RPGRIP1L: variants seen among roughly 807,000 people sequenced by gnomAD.
RPGRIP1L encodes the protein RPGRIP1 like.
In RPGRIP1L, 131 loss-of-function variants were observed where a neutral mutation model predicts 160.4. That is an observed-to-expected ratio of 0.82 (90% CI 0.71 to 0.94). The LOEUF (loss-of-function observed/expected upper bound fraction) is 0.94. Ranked by LOEUF, RPGRIP1L falls within the 40% of genes least tolerant of loss-of-function variation. RPGRIP1L has a pLI of 0.00. For missense variants in RPGRIP1L, 1,522 were observed against 1,535.8 expected, an observed-to-expected ratio of 0.99 and a Z score of 0.15; for synonymous variants, 510 against 515.8, an observed-to-expected ratio of 0.99 and a Z score of 0.15.
In RPGRIP1L at chr16:53,618,785, G is replaced by A. The variant is rs1426906368; in HGVS notation, c.3616+240C>T. Among the ~76,000 whole-genome samples, 6 of 152,034 alleles carry A rather than the reference G, an allele frequency of 3.9e-5. No homozygotes were observed. In the East Asian group the frequency reaches 9.6e-4, roughly 24 times the overall value. ...TGGTCTGGAACTCCAGAGCTCAAGC[G>A]ATCCACCCGTCTCGGTCTCCCAAAG... On this transcript the variant is annotated intron_variant, in intron 24 of 26. Transcript: ENST00000647211.
At chr16:53,696,090 A>T in intron 3 of RPGRIP1L, 61 bp downstream of exon 3, 2 of 1,537,714 alleles carry the variant, frequency 1.3e-6, no homozygotes, top group Non-Finnish European at 9.0e-7. Flanking sequence ...AGTTTATAAA[A>T]TACCATACCC....
In RPGRIP1L at chr16:53,609,867, T is replaced by A. The variant is rs115756664; in HGVS notation, c.3701+1100A>T. 2.2e-3 allele frequency among the ~76,000 whole-genome samples: 338 copies of A among 152,286 alleles called. 1 individual carries two copies. Among genetic ancestry groups the A allele is most frequent in the African/African-American group, 7.5e-3 (310 of 41,568 alleles). ...GTGATAAAGCTATATTATCAGATCC[T>A]GAGAGCTAAGCATTCCAGTCTCTCT... On this transcript the variant is annotated intron_variant, in intron 25 of 26. Coordinates refer to ENST00000647211, the MANE Select transcript of RPGRIP1L (RefSeq NM_015272.5).
rs900693258 is a variant in RPGRIP1L, at chr16:53,697,805, G to A, written c.86-1510C>T. On this transcript the variant is annotated intron_variant, in intron 2 of 26. Transcript: ENST00000647211. ...CCACCCCGTCTAGGAAGTGAGGAGC[G>A]TCTCTGCCTGGCCGCCCATCGTCTG... Among the ~76,000 whole-genome samples, 12 of 151,688 alleles carry A rather than the reference G, an allele frequency of 7.9e-5. No homozygotes were observed. In the East Asian group the frequency reaches 1.6e-3, roughly 20 times the overall value.
intron 22 of RPGRIP1L, among the ~76,000 whole-genome samples, chr16:53,623,460 TA>T (rs1465967152): frequency 1.3e-5 from 2 of 152,234 alleles, no homozygotes; most frequent in Non-Finnish European, 2.9e-5. Flanking sequence ...ATTCTCTTCC[TA>T]AAAACCAATC....
chr16:53,688,021 T>G (rs1323543509), intron 4 of RPGRIP1L, 56 bp from the exon 5 acceptor site: 2 of 1,035,930 alleles, frequency 1.9e-6, no homozygotes, highest in African/African-American at 3.2e-5. Context: ...AAGAAGGATC[T>G]TTGATTTGCT....
chr16:53,699,381 A>T (rs1971182612), intron 2 of RPGRIP1L, among the ~76,000 whole-genome samples: 2 of 124,504 alleles, frequency 1.6e-5, no homozygotes, highest in South Asian at 5.0e-4. Flanking sequence ...CCCAAGAATG[A>T]TCAATAAAAA....
At chr16:53,676,696 C>T (rs1245691064) in intron 6 of RPGRIP1L, among the ~76,000 whole-genome samples, 1 of 151,872 alleles carries the variant, frequency 6.6e-6, no homozygotes, top group Admixed American at 6.6e-5. Context: ...TGTAGTGGCG[C>T]GATCTCGGCT....
chr16:53,684,926 A>G lies in RPGRIP1L; in HGVS notation c.776+1507T>C, dbSNP rs149410588. On this transcript the variant is annotated intron_variant, in intron 6 of 26. Coordinates refer to ENST00000647211, the MANE Select transcript of RPGRIP1L (RefSeq NM_015272.5). Reference sequence around the variant, plus strand: ...AAACTATGAACAGAGTAAACAGACAACCTATAGAATGGGAGAAAATTTCTG... The same window carrying G: ...AAACTATGAACAGAGTAAACAGACAGCCTATAGAATGGGAGAAAATTTCTG... Among the ~76,000 whole-genome samples the G allele has an allele frequency of 7.9e-3, 1,207 of 152,214 alleles. 14 individuals are homozygous for G. The highest frequency in any genetic ancestry group is 0.027 in the African/African-American group (1,130 of 41,540).
intron 17 of RPGRIP1L, among the ~76,000 whole-genome samples, chr16:53,642,780 G>T (rs1397933452): frequency 6.6e-6 from 1 of 152,192 alleles, no homozygotes. Context: ...GATAGGCTAA[G>T]AGGACTGGCA....
At chr16:53,632,983 C>A (rs1378045768) in intron 22 of RPGRIP1L, among the ~76,000 whole-genome samples, 1 of 152,120 alleles carries the variant, frequency 6.6e-6, no homozygotes, top group Non-Finnish European at 1.5e-5. Context: ...ACTATGAATT[C>A]TTTGAGGGAA....
intron 6 of RPGRIP1L, among the ~76,000 whole-genome samples, 155 bp from the exon 7 acceptor site, chr16:53,675,277 G>A (rs1969068521): frequency 2.0e-5 from 3 of 152,222 alleles, no homozygotes; most frequent in Admixed American, 1.3e-4. Context: ...TATTATAAAT[G>A]CAGGACAGAT....
chr16:53,651,823 C>T (rs1966856477), intron 15 of RPGRIP1L, among the ~76,000 whole-genome samples: 1 of 151,964 alleles, frequency 6.6e-6, no homozygotes, highest in African/African-American at 2.4e-5. Flanking sequence ...CCAGTGCCTA[C>T]TAACAGTGAT....
chr16:53,675,680 A>G (rs886863484), intron 6 of RPGRIP1L, among the ~76,000 whole-genome samples: 3 of 152,182 alleles, frequency 2.0e-5, no homozygotes, highest in African/African-American at 7.2e-5. Flanking sequence ...TATACTAACA[A>G]TGTCCAAAGC....
At chr16:53,606,466 A>C (rs917794065) in intron 25 of RPGRIP1L, among the ~76,000 whole-genome samples, 8 of 152,258 alleles carry the variant, frequency 5.3e-5, no homozygotes, top group African/African-American at 1.7e-4. Context: ...TCTCTGAGAA[A>C]TCATGCCTTG....
Position 53,700,627 on chromosome 16 carries a change from AGCTG to A in RPGRIP1L, c.85+8_85+11del. 6.3e-7 allele frequency: 1 copy of A among 1,598,558 alleles called. No homozygotes were observed. Among genetic ancestry groups the A allele is most frequent in the Non-Finnish European group, 8.6e-7 (1 of 1,166,832 alleles). ...AAAGTTCATAACTGTAATAAATAAC[AGCTG>A]GCCATACCTTGTAACCCTCCCATTC... On this transcript the variant is annotated splice_region_variant and intron_variant, in intron 2 of 26. Transcript: ENST00000647211.
At chr16:53,620,909 A>G (rs1222505381) in intron 23 of RPGRIP1L, among the ~76,000 whole-genome samples, 2 of 152,216 alleles carry the variant, frequency 1.3e-5, no homozygotes, top group Admixed American at 6.5e-5. Flanking sequence ...CTGTAGCATA[A>G]TGTATAGTTA....
chr16:53,637,559 C>G, intron 21 of RPGRIP1L, 136 bp downstream of exon 21: 1 of 765,524 alleles, frequency 1.3e-6, no homozygotes, highest in South Asian at 1.6e-5. Flanking sequence ...GAACTATATT[C>G]TATCATTTCT....
intron 10 of RPGRIP1L, chr16:53,659,241 G>GA (rs1208584427): frequency 4.9e-5 from 46 of 941,750 alleles, no homozygotes; most frequent in South Asian, 1.4e-4. Context: ...AAAGCATGTG[G>GA]AAAAAAAATT....
intron 9 of RPGRIP1L, among the ~76,000 whole-genome samples, chr16:53,665,541 A>G (rs980865847): frequency 2.0e-5 from 3 of 152,208 alleles, no homozygotes; most frequent in Non-Finnish European, 2.9e-5. Context: ...TAGTGATAAT[A>G]TAGTTTTTGT....
Sources: allele counts gnomAD v4.1 joint callset (sites outside exome capture counted in the v4.1 genomes callset), GRCh38; gene constraint gnomAD v4.1.1; transcripts MANE v1.5; gene names NCBI Gene and HGNC (gene_info 2026-07-23, HGNC 2026-07-21).